The following SGF29 variants were observed in gnomAD, a reference collection of about 807,000 sequenced individuals.
SGF29 encodes SAGA complex associated factor 29.
A neutral mutation model predicts 38.1 loss-of-function variants in SGF29; 15 were observed. The ratio of observed to expected loss-of-function variants is 0.39; its 90% CI spans 0.26 to 0.61. SGF29 has a LOEUF of 0.61. Ranked by LOEUF, SGF29 falls within the 20% of genes least tolerant of loss-of-function variation. The probability of loss-of-function intolerance (pLI) is 0.49; values close to 1 mark genes in which losing one functional copy is unlikely to be tolerated. For synonymous variants in SGF29, 151 were observed against 160.8 expected, an observed-to-expected ratio of 0.94 and a Z score of 0.46; for missense variants, 184 against 394.6, an observed-to-expected ratio of 0.47 and a Z score of 4.52.
chr16:28,590,618 C>T lies in SGF29; in HGVS notation c.567-13C>T, dbSNP rs1342439164. ...CCTGGCTGCATCCAGCCTTTTCCTCCTTTTGTCTGCAGGTATGAGGTAGAT... is the reference window on the plus strand; with the variant it reads ...CCTGGCTGCATCCAGCCTTTTCCTCTTTTTGTCTGCAGGTATGAGGTAGAT... On this transcript the variant is annotated splice_polypyrimidine_tract_variant and intron_variant, in intron 7 of 9. Transcript: ENST00000317058. This position sits in a 1 kb window ranked among gnomAD's most constrained non-coding sequence, Gnocchi z 8.2. The T allele has an allele frequency of 6.2e-7, 1 of 1,613,432 alleles. No homozygotes were observed. Among genetic ancestry groups the T allele is most frequent in the African/African-American group, 1.3e-5 (1 of 74,902 alleles).
At chr16:28,585,139 T>C (rs2046949496) in intron 3 of SGF29, 151 bp downstream of exon 3, 1 of 613,280 alleles carries the variant, frequency 1.6e-6, no homozygotes, top group African/African-American at 1.9e-5. Context: ...TTTCCGTTAA[T>C]CTGGGTGACC....
rs778904015 is a variant in SGF29 at position 28,590,480 on chromosome 16, C to T, written c.566+38C>T. On this transcript the variant is annotated intron_variant, in intron 7 of 9. Coordinates refer to ENST00000317058, the MANE Select transcript of SGF29 (RefSeq NM_138414.3). The surrounding 1 kb of genome is among the most constrained non-coding windows in gnomAD (Gnocchi z 8.2). ...AACCCTGGGGCTGCTCTCTGGTCAC[C>T]GAACTTGCCTGGGCTACGGGAGAAA... is the stretch of plus-strand genomic sequence containing the variant. 10 of 1,613,806 alleles carry T rather than the reference C, an allele frequency of 6.2e-6. No individual in the cohort carries two copies. Among genetic ancestry groups the T allele is most frequent in the Middle Eastern group, 1.7e-4 (1 of 5,994 alleles).
In SGF29 at chr16:28,589,699, G is replaced by T. The variant is rs185142704; in HGVS notation, c.290-397G>T. On this transcript the variant is annotated intron_variant, in intron 5 of 9. Transcript: ENST00000317058. ...AGGTGCACATTTAATTTTTTTTTTG[G>T]TTTTTTTAACTTTCTGTTGAATTAC... is the stretch of plus-strand genomic sequence containing the variant. 1.2e-3 allele frequency among the ~76,000 whole-genome samples: 176 copies of T among 151,946 alleles called. 1 individual carries two copies. The highest frequency in any genetic ancestry group is 2.6e-3 in the Admixed American group (39 of 15,294).
At chr16:28,561,640 T>A (rs1323235180) in intron 1 of SGF29, among the ~76,000 whole-genome samples, 1 of 152,160 alleles carries the variant, frequency 6.6e-6, no homozygotes, top group Non-Finnish European at 1.5e-5. Flanking sequence ...TCAAAAAGTT[T>A]AGGGTACTGG....
intron 4 of SGF29, among the ~76,000 whole-genome samples, chr16:28,588,255 A>T (rs2151654026): frequency 6.6e-6 from 1 of 152,302 alleles, no homozygotes; most frequent in Non-Finnish European, 1.5e-5. Context: ...CTGGGGCTTC[A>T]AGGCCATGCA....
Position 28,591,661 on chromosome 16 carries a change from G to C in SGF29, c.837G>C (p.Val279=). 3.7e-6 allele frequency: 6 copies of C among 1,614,092 alleles called. No homozygotes were observed. Among genetic ancestry groups the C allele is most frequent in the Non-Finnish European group, 5.1e-6 (6 of 1,179,968 alleles). Residue 279 remains valine, a synonymous_variant, in exon 10 of 10, where the codon GTG becomes GTC. Coordinates refer to ENST00000317058, the MANE Select transcript of SGF29 (RefSeq NM_138414.3). The stretch of plus-strand genomic sequence containing the variant: ...ATGGCTATTCCCCTCCCCTCAATGT[G>C]GCTCAGAGATACGTGGTGGCTTGTA... ...YADGYSPPLN[V]AQRYVVACKE...
At chr16:28,563,891 C>T (rs960283879) in intron 1 of SGF29, among the ~76,000 whole-genome samples, 8 of 151,782 alleles carry the variant, frequency 5.3e-5, no homozygotes, top group African/African-American at 1.2e-4. Context: ...GGACTACAGG[C>T]GCACACCACC....
At chr16:28,564,416 A>G (rs895663813) in intron 1 of SGF29, among the ~76,000 whole-genome samples, 6 of 150,530 alleles carry the variant, frequency 4.0e-5, no homozygotes, top group African/African-American at 7.3e-5. Flanking sequence ...TTAGAGAAGG[A>G]GGCGGCAACA....
At chr16:28,555,072 G>A (rs2046740387) in intron 1 of SGF29, among the ~76,000 whole-genome samples, 1 of 152,174 alleles carries the variant, frequency 6.6e-6, no homozygotes, top group Non-Finnish European at 1.5e-5. Flanking sequence ...GCTCACTGCA[G>A]CCTCAAACTC....
Position 28,579,473 on chromosome 16 carries a change from G to A in SGF29, c.-15-1582G>A, listed in dbSNP as rs892951541. ...AGGTTTCACCATGTTGGCCAGGATG[G>A]TCTTGATCTCTTGACCTCATGATCT... On this transcript the variant is annotated intron_variant, in intron 1 of 9. Transcript: ENST00000317058. 3.5e-4 allele frequency among the ~76,000 whole-genome samples: 53 copies of A among 149,938 alleles called. 1 individual carries two copies. Among genetic ancestry groups the A allele is most frequent in the Admixed American group, 2.0e-4 (3 of 15,128 alleles).
chr16:28,564,735 ATG>A (rs1333736544), intron 1 of SGF29, among the ~76,000 whole-genome samples: 26 of 13,712 alleles, frequency 1.9e-3, no homozygotes, highest in African/African-American at 2.9e-3. Context: ...ATACATATAT[ATG>A]TATATATGTA....
At chr16:28,575,024 T>C (rs1244357900) in intron 1 of SGF29, among the ~76,000 whole-genome samples, 1 of 152,098 alleles carries the variant, frequency 6.6e-6, no homozygotes, top group Admixed American at 6.6e-5. Context: ...TGTGTAAGAG[T>C]ACATACTTAC....
At chr16:28,572,019 G>T (rs1175934817) in intron 1 of SGF29, among the ~76,000 whole-genome samples, 2 of 152,132 alleles carry the variant, frequency 1.3e-5, no homozygotes, top group Admixed American at 6.5e-5. Flanking sequence ...TCGCACTGTT[G>T]CCCGGACTGG....
chr16:28,577,984 T>A (rs1250364190), intron 1 of SGF29, among the ~76,000 whole-genome samples: 1 of 152,152 alleles, frequency 6.6e-6, no homozygotes, highest in Non-Finnish European at 1.5e-5. Flanking sequence ...GCTTACAACA[T>A]CTTGATTACT....
chr16:28,572,501 T>C (rs987883536), intron 1 of SGF29, among the ~76,000 whole-genome samples: 13 of 147,936 alleles, frequency 8.8e-5, no homozygotes, highest in Non-Finnish European at 1.6e-4. Flanking sequence ...ACTCCTGACC[T>C]CAGGTAATCC....
intron 1 of SGF29, among the ~76,000 whole-genome samples, chr16:28,555,312 A>ATT (rs1486529017): frequency 6.6e-6 from 1 of 152,086 alleles, no homozygotes; most frequent in Non-Finnish European, 1.5e-5. Flanking sequence ...AAAAAAAAAA[A>ATT]AAAAAATTAA....
At chr16:28,588,962 C>T in intron 4 of SGF29, 138 bp from the exon 5 acceptor site, 2 of 837,694 alleles carry the variant, frequency 2.4e-6, no homozygotes, top group Non-Finnish European at 2.0e-6. Flanking sequence ...TCCACCTGCG[C>T]AGGAGGCTAC....
rs537090509 is a variant in SGF29, at chr16:28,564,663, A to G, written c.-16+10566A>G. On this transcript the variant is annotated intron_variant, in intron 1 of 9. Coordinates refer to ENST00000317058, the MANE Select transcript of SGF29 (RefSeq NM_138414.3). ...TATATGTGTATATATACGTATATAT[A>G]TGCATATATATGTATATATATGTGT... Among the ~76,000 whole-genome samples, 202 of 84,062 alleles carry G rather than the reference A, an allele frequency of 2.4e-3. 5 individuals are homozygous for G. The highest frequency in any genetic ancestry group is 5.3e-3 in the Middle Eastern group (1 of 190). 55.1% of individuals were successfully genotyped at this position (84,062 alleles called of 152,430 possible). A position where few individuals can be genotyped will look rare whatever the true frequency, so the allele number is the denominator to read the frequency against.
intron 2 of SGF29, among the ~76,000 whole-genome samples, chr16:28,582,629 C>G (rs760744242): frequency 6.6e-6 from 1 of 152,114 alleles, no homozygotes; most frequent in Non-Finnish European, 1.5e-5. Flanking sequence ...AAGAGTTTAT[C>G]AATAAAATAC....
Sources: gnomAD v4.1 joint callset for allele counts (sites outside exome capture counted in the v4.1 genomes callset) on GRCh38, gnomAD v4.1.1 for gene constraint, Gnocchi (gnomAD v3.1) non-coding constraint, MANE v1.5 for transcripts, NCBI Gene and HGNC (gene_info 2026-07-23, HGNC 2026-07-21) for gene names.